BANF2: variants seen among roughly 807,000 people sequenced by gnomAD.
The protein encoded by BANF2 is BANF family member 2.
Under a neutral mutation model 8.0 loss-of-function variants are expected in BANF2, and 4 were observed. The ratio of observed to expected loss-of-function variants is 0.50; its 90% CI spans 0.25 to 1.14. BANF2 has a LOEUF of 1.14. BANF2 is among the 50% of genes most tolerant of loss of function. The pLI, the probability that BANF2 is intolerant of heterozygous loss-of-function variation, is 0.16. For synonymous variants in BANF2, 50 were observed against 40.6 expected (o/e 1.23, Z -0.88); for missense variants, 96 against 107.5 (o/e 0.89, Z 0.47).
At chr20:17,708,046 C>CAAAAAAAAAAA (rs1491179991) in intron 1 of BANF2, among the ~76,000 whole-genome samples, 9 of 111,764 alleles carry the variant, frequency 8.1e-5, no homozygotes, top group African/African-American at 1.4e-4. Context: ...TACTAAAAAT[C>CAAAAAAAAAAA]AAAAAAAAAA....
chr20:17,693,751 A>T, intron 1 of BANF2: 1 of 1,549,168 alleles, frequency 6.5e-7, no homozygotes, highest in South Asian at 1.2e-5. Flanking sequence ...TGGGGAAGAG[A>T]CGGCGGGGAA....
chr20:17,716,448 C>T lies in BANF2; in HGVS notation c.-166-6268C>T, dbSNP rs145122434. 3.2e-3 allele frequency among the ~76,000 whole-genome samples: 484 copies of T among 152,290 alleles called. 3 individuals carry two copies. The highest frequency in any genetic ancestry group is 0.011 in the African/African-American group (468 of 41,562). ...CCCCAGGCCCAAGCAATTCTCCCACCTCAGCCGCCCAAGTATCTGGGACCA... is the reference window on the plus strand; with the variant it reads ...CCCCAGGCCCAAGCAATTCTCCCACTTCAGCCGCCCAAGTATCTGGGACCA... On this transcript the variant is annotated intron_variant, in intron 1 of 3. Transcript: ENST00000246090.
intron 1 of BANF2, among the ~76,000 whole-genome samples, chr20:17,700,715 A>G (rs1403700389): frequency 6.6e-6 from 1 of 152,180 alleles, no homozygotes; most frequent in East Asian, 1.9e-4. Flanking sequence ...GGCCAAAGCC[A>G]TCTCTCAAAG....
intron 3 of BANF2, among the ~76,000 whole-genome samples, chr20:17,733,469 G>A (rs891944614): frequency 6.6e-6 from 1 of 152,146 alleles, no homozygotes; most frequent in Non-Finnish European, 1.5e-5. Context: ...CTTTGTGTAA[G>A]CCACTTACTA....
chr20:17,727,052 G>A (rs1466031949), intron 3 of BANF2, among the ~76,000 whole-genome samples: 2 of 152,202 alleles, frequency 1.3e-5, no homozygotes, highest in Non-Finnish European at 2.9e-5. Context: ...AAGTCTGTGT[G>A]TGTGAATAGC....
At chr20:17,710,231 G>C (rs1243185418) in intron 1 of BANF2, among the ~76,000 whole-genome samples, 2 of 152,300 alleles carry the variant, frequency 1.3e-5, no homozygotes, top group Middle Eastern at 3.4e-3. Context: ...GAGCCCTGGG[G>C]GGGACATGGG....
chr20:17,702,552 T>C (rs1427792201), intron 1 of BANF2, among the ~76,000 whole-genome samples: 1 of 152,216 alleles, frequency 6.6e-6, no homozygotes, highest in Non-Finnish European at 1.5e-5. Flanking sequence ...AGACCTCTGC[T>C]GCCAGTTTCC....
intron 1 of BANF2, among the ~76,000 whole-genome samples, chr20:17,717,689 T>A (rs1030252940): frequency 3.9e-5 from 6 of 152,174 alleles, no homozygotes; most frequent in Non-Finnish European, 8.8e-5. Flanking sequence ...TGGCATTAAG[T>A]TCCAAAAGAA....
chr20:17,719,557 T>A (rs1167507772), intron 1 of BANF2, among the ~76,000 whole-genome samples: 1 of 152,106 alleles, frequency 6.6e-6, no homozygotes, highest in African/African-American at 2.4e-5. Context: ...GGGGATGGCA[T>A]CATGTGTTGG....
chr20:17,701,833 C>G lies in BANF2; in HGVS notation c.-167+1778C>G, dbSNP rs898946903. Among the ~76,000 whole-genome samples the G allele has an allele frequency of 3.3e-5, 5 of 152,314 alleles. No individual in the cohort carries two copies. In the East Asian group the frequency reaches 9.7e-4, roughly 29 times the overall value. ...CTCCAGAGCCAATTTGCAGAGTTAACCTGTGTTGACTGAACAAATGGAGGA... is the reference window on the plus strand; with the variant it reads ...CTCCAGAGCCAATTTGCAGAGTTAAGCTGTGTTGACTGAACAAATGGAGGA... On this transcript the variant is annotated intron_variant, in intron 1 of 3. Coordinates refer to ENST00000246090, the MANE Select transcript of BANF2 (RefSeq NM_178477.5).
At chr20:17,703,430 C>G (rs1297630107) in intron 1 of BANF2, among the ~76,000 whole-genome samples, 1 of 152,226 alleles carries the variant, frequency 6.6e-6, no homozygotes, top group East Asian at 1.9e-4. Flanking sequence ...GCAGGACAGC[C>G]CCCTCCTTCA....
upstream of BANF2, among the ~76,000 whole-genome samples, chr20:17,699,765 T>A (rs1007331224): frequency 6.6e-6 from 1 of 152,192 alleles, no homozygotes; most frequent in African/African-American, 2.4e-5. Context: ...CATCCCTCAC[T>A]CTTTCCCAGC....
intron 1 of BANF2, among the ~76,000 whole-genome samples, chr20:17,702,632 C>T (rs2037425975): frequency 6.6e-6 from 1 of 152,160 alleles, no homozygotes; most frequent in Non-Finnish European, 1.5e-5. Flanking sequence ...TGGCTTCTTG[C>T]TGTGGATAAT....
At chr20:17,694,058 A>G (rs1170118086) in intron 1 of BANF2, among the ~76,000 whole-genome samples, 1 of 152,228 alleles carries the variant, frequency 6.6e-6, no homozygotes, top group Non-Finnish European at 1.5e-5. Context: ...AACTGAATAC[A>G]TACAACGTGT....
At chr20:17,708,844 C>T (rs1013009219) in intron 1 of BANF2, among the ~76,000 whole-genome samples, 16 of 152,192 alleles carry the variant, frequency 1.1e-4, no homozygotes, top group African/African-American at 3.9e-4. Context: ...CCACCCTTCC[C>T]AGGCCCAGAA....
At chr20:17,732,916 AG>A (rs1386727930) in intron 3 of BANF2, among the ~76,000 whole-genome samples, 1 of 152,160 alleles carries the variant, frequency 6.6e-6, no homozygotes, top group Non-Finnish European at 1.5e-5. Flanking sequence ...CCATGATGGG[AG>A]CCCACGACTC....
At chr20:17,705,238 TTC>T (rs1206128674) in intron 1 of BANF2, among the ~76,000 whole-genome samples, 1 of 152,220 alleles carries the variant, frequency 6.6e-6, no homozygotes, top group African/African-American at 2.4e-5. Context: ...GAAGAGGTGA[TTC>T]TCCATGTAAA....
chr20:17,735,676 G>T lies in BANF2; in HGVS notation c.138G>T (p.Leu46=), dbSNP rs143651199. 1.5e-5 allele frequency: 25 copies of T among 1,613,714 alleles called. No individual in the cohort carries two copies. Among genetic ancestry groups the T allele is most frequent in the African/African-American group, 1.3e-5 (1 of 74,894 alleles). Residue 46 remains leucine, a synonymous_variant, in exon 4 of 4, where the codon CTG becomes CTT. Transcript: ENST00000246090. ...CATCCCCTCCCCAGGCCTACATCCT[G>T]CTGGGACAATTCCTTCTGATGCACA... ...VTKGINKAYI[L]LGQFLLMHKN... is the part of the protein sequence containing the mutation.
At chr20:17,708,045 TCAAAAA>T (rs2037510540) in intron 1 of BANF2, among the ~76,000 whole-genome samples, 1 of 58,578 alleles carries the variant, frequency 1.7e-5, no homozygotes, top group South Asian at 5.3e-4. Context: ...CTACTAAAAA[TCAAAAA>T]AAAAAAAAAA....
Sources: gnomAD v4.1 joint callset for allele counts (sites outside exome capture counted in the v4.1 genomes callset) on GRCh38, gnomAD v4.1.1 for gene constraint, MANE v1.5 for transcripts, NCBI Gene and HGNC (gene_info 2026-07-23, HGNC 2026-07-21) for gene names.